PCDHGA5: variants seen among roughly 807,000 people sequenced by gnomAD.
PCDHGA5 encodes protocadherin gamma subfamily A, 5, also known as protocadherin gamma-A5.
PCDHGA5 carries 36 observed loss-of-function variants against 56.7 expected under a neutral mutation model. That is an observed-to-expected ratio of 0.64 (90% CI 0.49 to 0.84). The LOEUF is 0.84. Ranked by LOEUF, PCDHGA5 falls within the 40% of genes least tolerant of loss-of-function variation. The pLI, the probability that PCDHGA5 is intolerant of heterozygous loss-of-function variation, is 0.00. For synonymous variants in PCDHGA5, 563 were observed against 520.2 expected (o/e 1.08, Z -1.12); for missense variants, 1,305 against 1,201.5 (o/e 1.09, Z -1.27).
chr5:141,402,973 C>T (rs779898665), intron 1 of PCDHGA5: 4 of 1,608,044 alleles, frequency 2.5e-6, no homozygotes, highest in Non-Finnish European at 2.5e-6. Context: ...CAACCAAATG[C>T]CAGCTCCGCG....
At chr5:141,494,979 T>C in intron 2 of PCDHGA5, 114 bp downstream of exon 2, 1 of 1,571,464 alleles carries the variant, frequency 6.4e-7, no homozygotes, top group Admixed American at 1.8e-5. Flanking sequence ...TCCCTCAGTT[T>C]GAGATCCCAG....
At chr5:141,441,325 T>C (rs961263461) in intron 1 of PCDHGA5, 1 of 152,192 alleles carries the variant, frequency 6.6e-6, no homozygotes, top group African/African-American at 2.4e-5. Flanking sequence ...AGAAAAATCT[T>C]CCTCCAATAA....
chr5:141,430,756 A>G (rs747363475), intron 1 of PCDHGA5: 1 of 1,503,228 alleles, frequency 6.7e-7, no homozygotes, highest in Non-Finnish European at 8.9e-7. Flanking sequence ...GGAGGAAGAT[A>G]AGAATGATTC....
rs1024041994 is a variant in PCDHGA5 at position 141,409,578 on chromosome 5, T to C, written c.2421+42827T>C. The C allele has an allele frequency of 3.1e-6, 5 of 1,613,824 alleles. No individual in the cohort carries two copies. In the Admixed American group the frequency reaches 6.7e-5, roughly 22 times the overall value. On this transcript the variant is annotated intron_variant, in intron 1 of 3. Coordinates refer to ENST00000518069, the MANE Select transcript of PCDHGA5 (RefSeq NM_018918.3). Reference sequence around the variant, plus strand: ...GTTTTCGACCAGACGTCCTACGTGGTCCACGTGGCCGAGAACAACCCGCCA... The same window carrying C: ...GTTTTCGACCAGACGTCCTACGTGGCCCACGTGGCCGAGAACAACCCGCCA...
chr5:141,402,394 G>T (rs928311359), intron 1 of PCDHGA5, among the ~76,000 whole-genome samples: 5 of 151,852 alleles, frequency 3.3e-5, no homozygotes, highest in Non-Finnish European at 7.4e-5. Context: ...AATTACTTCA[G>T]AAAATTGTTA....
In PCDHGA5 at chr5:141,366,319, C is replaced by T. The variant is rs1486100441; in HGVS notation, c.1989C>T (p.Ala663=). The T allele has an allele frequency of 6.2e-6, 10 of 1,613,662 alleles. No individual in the cohort carries two copies. Among genetic ancestry groups the T allele is most frequent in the African/African-American group, 1.3e-5 (1 of 74,954 alleles). ...PLSATFTVTV[A]VADRIPDILA... is the part of the protein sequence containing the mutation. ...CAGCCACCTTCACGGTCACCGTTGC[C>T]GTGGCCGACAGGATCCCTGACATCC... Residue 663 remains alanine, a synonymous_variant, in exon 1 of 4, where the codon GCC becomes GCT. Coordinates refer to ENST00000518069, the MANE Select transcript of PCDHGA5 (RefSeq NM_018918.3).
intron 1 of PCDHGA5, chr5:141,393,113 G>A: frequency 1.2e-6 from 2 of 1,613,500 alleles, no homozygotes; most frequent in Non-Finnish European, 8.5e-7. Context: ...CTCAGAGCCC[G>A]CGGTGTCTGA....
In PCDHGA5 at chr5:141,477,377, C is replaced by A. The variant is rs1456451105; in HGVS notation, c.2422-17430C>A. On this transcript the variant is annotated intron_variant, in intron 1 of 3. Coordinates refer to ENST00000518069, the MANE Select transcript of PCDHGA5 (RefSeq NM_018918.3). This position sits in a 1 kb window ranked among gnomAD's most constrained non-coding sequence, Gnocchi z 4.9. ...TGCAGACCTGGATCGGGAGACTGTG[C>A]CAGAATACAACCTCAGCATCACCGC... 1.2e-6 allele frequency: 2 copies of A among 1,614,026 alleles called. No homozygotes were observed. The highest frequency in any genetic ancestry group is 1.7e-6 in the Non-Finnish European group (2 of 1,180,032).
intron 1 of PCDHGA5, among the ~76,000 whole-genome samples, chr5:141,401,855 C>T (rs1188056656): frequency 1.3e-5 from 2 of 152,164 alleles, no homozygotes; most frequent in African/African-American, 2.4e-5. Flanking sequence ...TACTTTTAAC[C>T]TTTCAGTAGT....
At chr5:141,412,163 T>G (rs1005929326) in intron 1 of PCDHGA5, 13 of 152,240 alleles carry the variant, frequency 8.5e-5, no homozygotes, top group African/African-American at 2.9e-4. Flanking sequence ...GAGAAGAGAT[T>G]ATTTATACTG....
At chr5:141,405,179 G>A (rs2094620573) in intron 1 of PCDHGA5, 1 of 1,614,028 alleles carries the variant, frequency 6.2e-7, no homozygotes, top group South Asian at 1.1e-5. Context: ...CTTTGTGGGT[G>A]TAGATGGGGT....
intron 1 of PCDHGA5, among the ~76,000 whole-genome samples, chr5:141,470,448 T>C (rs1384666661): frequency 6.6e-6 from 1 of 152,192 alleles, no homozygotes. Flanking sequence ...TTTAATAGCA[T>C]CTTGAATAGG....
At chr5:141,472,668 C>T (rs2099292239) in intron 1 of PCDHGA5, among the ~76,000 whole-genome samples, 1 of 151,742 alleles carries the variant, frequency 6.6e-6, no homozygotes, top group African/African-American at 2.4e-5. Context: ...ATCCTGTATA[C>T]TGGTCCTTCC....
rs1283688342 is a variant in PCDHGA5, at chr5:141,437,688, T to G, written c.2422-57119T>G. On this transcript the variant is annotated intron_variant, in intron 1 of 3. Transcript: ENST00000518069. ...GAGATGTTGATCAAACTGATGAGGCTAAATCTCAAGAAAGAGACACAGTTA... is the reference window on the plus strand; with the variant it reads ...GAGATGTTGATCAAACTGATGAGGCGAAATCTCAAGAAAGAGACACAGTTA... Among the ~76,000 whole-genome samples the G allele has an allele frequency of 4.0e-5, 6 of 151,890 alleles. 1 individual carries two copies. The East Asian group carries it at 1.2e-3, about 29-fold the overall frequency.
intron 1 of PCDHGA5, chr5:141,383,374 G>T: frequency 6.2e-7 from 1 of 1,614,028 alleles, no homozygotes. Context: ...CGAGGCTGGG[G>T]ATCCAGATGT....
intron 1 of PCDHGA5, chr5:141,428,461 G>A: frequency 2.8e-6 from 1 of 352,014 alleles, no homozygotes; most frequent in South Asian, 2.8e-5. Flanking sequence ...CAACTACAAT[G>A]AGGGAACTTT....
chr5:141,401,655 A>G (rs1011518295), intron 1 of PCDHGA5, among the ~76,000 whole-genome samples: 2 of 152,232 alleles, frequency 1.3e-5, no homozygotes, highest in South Asian at 2.1e-4. Context: ...AAATGACTGG[A>G]TGTTTTCTCA....
intron 1 of PCDHGA5, chr5:141,416,320 A>G (rs1482631457): frequency 1.3e-5 from 2 of 152,208 alleles, no homozygotes; most frequent in East Asian, 1.9e-4. Flanking sequence ...TAGCATTTTA[A>G]TTTAACTTTC....
At chr5:141,427,450 CT>C in intron 1 of PCDHGA5, 1 of 486,442 alleles carries the variant, frequency 2.1e-6, no homozygotes, top group South Asian at 1.5e-5. Flanking sequence ...GAAAGAGTTC[CT>C]TTTAGAATCG....
Sources: gnomAD v4.1 joint callset for allele counts (sites outside exome capture counted in the v4.1 genomes callset) on GRCh38, gnomAD v4.1.1 for gene constraint, Gnocchi (gnomAD v3.1) non-coding constraint, MANE v1.5 for transcripts, NCBI Gene and HGNC (gene_info 2026-07-23, HGNC 2026-07-21) for gene names.